TTLL11: variants seen among roughly 807,000 people sequenced by gnomAD.
The protein encoded by TTLL11 is tubulin tyrosine ligase like 11, also known as tubulin polyglutamylase TTLL11.
In TTLL11, 42 loss-of-function variants were observed where a neutral mutation model predicts 51.7. The observed-to-expected ratio is 0.81, with a 90% confidence interval of 0.64 to 1.05. The LOEUF (loss-of-function observed/expected upper bound fraction) is 1.05. Ranked by LOEUF, TTLL11 falls within the 50% of genes least tolerant of loss-of-function variation. TTLL11 has a pLI of 0.00. For synonymous variants in TTLL11, 381 were observed against 383.5 expected, an observed-to-expected ratio of 0.99 and a Z score of 0.08; for missense variants, 799 against 940.4, an observed-to-expected ratio of 0.85 and a Z score of 1.97.
intron 4 of TTLL11, among the ~76,000 whole-genome samples, chr9:121,978,748 G>A (rs1384347106): frequency 6.6e-6 from 1 of 152,094 alleles, no homozygotes; most frequent in Admixed American, 6.6e-5. Context: ...AGATTCCTGA[G>A]CCATTAATTA....
At chr9:122,023,533 T>A (rs954789928) in intron 3 of TTLL11, among the ~76,000 whole-genome samples, 6 of 151,924 alleles carry the variant, frequency 3.9e-5, no homozygotes, top group Admixed American at 2.6e-4. Context: ...TGAATATAGA[T>A]GCAAATAAAG....
intron 8 of TTLL11, among the ~76,000 whole-genome samples, chr9:121,854,204 A>T (rs2131372163): frequency 6.6e-6 from 1 of 152,226 alleles, no homozygotes; most frequent in East Asian, 1.9e-4. Flanking sequence ...GGTATATAGC[A>T]AGTCAACCCA....
chr9:122,092,736 G>A lies in TTLL11; in HGVS notation c.413C>T (p.Thr138Ile). Residue 138 changes from threonine to isoleucine, a missense_variant, in exon 1 of 9, where the codon ACC (threonine) becomes ATC (isoleucine). Physicochemically the swap from Thr to Ile is moderately conservative, Grantham distance 89. This residue lies in a region of TTLL11 where 468 missense variants were observed against 612.8 expected (regional missense o/e 0.76). Coordinates refer to ENST00000321582, the MANE Select transcript of TTLL11 (RefSeq NM_001139442.2). ...PVTVDSSKAR[T>I]SLDALKISIR... is the part of the protein sequence containing the mutation. Reference sequence around the variant, plus strand: ...GCTGATCTTCAGGGCATCCAGGGAGGTCCTGGCCTTGGAGCTGTCCACGGT... The same window carrying A: ...GCTGATCTTCAGGGCATCCAGGGAGATCCTGGCCTTGGAGCTGTCCACGGT... The A allele has an allele frequency of 1.3e-6, 2 of 1,538,044 alleles. No individual in the cohort carries two copies. The highest frequency in any genetic ancestry group is 1.7e-6 in the Non-Finnish European group (2 of 1,147,424).
chr9:121,988,901 A>G (rs1464024449), intron 4 of TTLL11: 2 of 560,158 alleles, frequency 3.6e-6, no homozygotes, highest in African/African-American at 3.7e-5. Context: ...AATGAATGTA[A>G]AACTCTGCTT....
intron 6 of TTLL11, among the ~76,000 whole-genome samples, chr9:121,925,094 TCTC>T (rs1479520807): frequency 6.6e-6 from 1 of 152,178 alleles, no homozygotes; most frequent in Admixed American, 6.5e-5. Flanking sequence ...AGGCTTCACT[TCTC>T]CTCTGAAAGG....
chr9:121,996,402 C>T (rs1843265505), intron 3 of TTLL11, among the ~76,000 whole-genome samples: 1 of 152,188 alleles, frequency 6.6e-6, no homozygotes, highest in Admixed American at 6.5e-5. Flanking sequence ...ATTGAGCTTC[C>T]CCATATCTTC....
intron 6 of TTLL11, among the ~76,000 whole-genome samples, chr9:121,914,827 T>C (rs1346426555): frequency 2.0e-5 from 3 of 152,140 alleles, no homozygotes; most frequent in Non-Finnish European, 4.4e-5. Flanking sequence ...CCCTAGGCTA[T>C]CTGGGAATGG....
rs561881183 is a variant in TTLL11 at position 122,024,688 on chromosome 9, T to C, written c.693+7035A>G. ...GCAATTTGGAAGAGAAAGATTAGTGTTCTGATCAAATGTTTCTGGAACAAC... is the reference window on the plus strand; with the variant it reads ...GCAATTTGGAAGAGAAAGATTAGTGCTCTGATCAAATGTTTCTGGAACAAC... On this transcript the variant is annotated intron_variant, in intron 3 of 8. Transcript: ENST00000321582. Among the ~76,000 whole-genome samples, 3 of 152,318 alleles carry C rather than the reference T, an allele frequency of 2.0e-5. No homozygotes were observed. The East Asian group carries it at 5.8e-4, about 29-fold the overall frequency.
rs768392553 is a variant in TTLL11, at chr9:121,995,732, T to C, written c.694-5962A>G. 5.9e-5 allele frequency among the ~76,000 whole-genome samples: 9 copies of C among 152,184 alleles called. No individual in the cohort carries two copies. Among genetic ancestry groups the C allele is most frequent in the Non-Finnish European group, 1.0e-4 (7 of 68,036 alleles). ...TATCCCGCAAGCCCTCTACTGTTCA[T>C]CGGAACCAGGCCAGGTTGTCCGATA... On this transcript the variant is annotated intron_variant, in intron 3 of 8. Transcript: ENST00000321582. This position sits in a 1 kb window ranked among gnomAD's most constrained non-coding sequence, Gnocchi z 4.4.
chr9:122,085,601 A>T (rs1223842740), intron 1 of TTLL11, among the ~76,000 whole-genome samples: 1 of 152,188 alleles, frequency 6.6e-6, no homozygotes, highest in East Asian at 1.9e-4. Context: ...AATAACATAC[A>T]TATATGGACT....
chr9:122,001,101 GT>G (rs1206432941), intron 3 of TTLL11, among the ~76,000 whole-genome samples: 3 of 151,832 alleles, frequency 2.0e-5, no homozygotes, highest in Admixed American at 6.6e-5. Context: ...CTGTTTTTTG[GT>G]TTTTGTTTTC....
chr9:122,052,911 T>C lies in TTLL11; in HGVS notation c.463-13543A>G, dbSNP rs1479670408. On this transcript the variant is annotated intron_variant, in intron 1 of 8. Transcript: ENST00000321582. ...AGCAGAGCCTCCCTCACAGGGGATG[T>C]TGTAAAGGTGAAAACAACCGCATAG... 1.1e-4 allele frequency among the ~76,000 whole-genome samples: 16 copies of C among 152,266 alleles called. No homozygotes were observed. The East Asian group carries it at 2.3e-3, about 22-fold the overall frequency.
At chr9:121,904,858 C>T (rs892922994) in intron 6 of TTLL11, among the ~76,000 whole-genome samples, 2 of 152,170 alleles carry the variant, frequency 1.3e-5, no homozygotes, top group Non-Finnish European at 2.9e-5. Flanking sequence ...TGGGTCCAGC[C>T]GTGAATAACC....
chr9:122,009,313 A>T (rs1203676809), intron 3 of TTLL11, among the ~76,000 whole-genome samples: 2 of 152,114 alleles, frequency 1.3e-5, no homozygotes, highest in Non-Finnish European at 2.9e-5. Context: ...TACATTTTTT[A>T]TTTGCCAATT....
intron 6 of TTLL11, among the ~76,000 whole-genome samples, chr9:121,877,701 T>TA (rs572964971): frequency 3.3e-5 from 5 of 152,176 alleles, no homozygotes; most frequent in Admixed American, 2.6e-4. Flanking sequence ...AACTGCAATT[T>TA]AAAAAAATTT....
At chr9:122,012,008 G>C (rs761540325) in intron 3 of TTLL11, among the ~76,000 whole-genome samples, 2 of 152,126 alleles carry the variant, frequency 1.3e-5, no homozygotes, top group African/African-American at 2.4e-5. Context: ...CAGAAAATTT[G>C]ATTACATCAC....
At chr9:121,957,180 G>T (rs1842046309) in intron 6 of TTLL11, among the ~76,000 whole-genome samples, 1 of 150,668 alleles carries the variant, frequency 6.6e-6, no homozygotes, top group South Asian at 2.1e-4. Context: ...ATAGTCTCAG[G>T]TCTTCCTCAA....
chr9:121,865,087 G>A lies in TTLL11; in HGVS notation c.1734-4644C>T, dbSNP rs562107589. ...CAGTTTAAAATGTATGACTTCGAAA[G>A]GCCATTGACATCCAAGGCATGCAAT... On this transcript the variant is annotated intron_variant, in intron 7 of 8. Transcript: ENST00000321582. 2.0e-4 allele frequency among the ~76,000 whole-genome samples: 31 copies of A among 152,258 alleles called. No homozygotes were observed. The South Asian group carries it at 6.4e-3, about 32-fold the overall frequency.
chr9:121,992,188 G>A (rs1183626206), intron 3 of TTLL11, among the ~76,000 whole-genome samples: 5 of 152,062 alleles, frequency 3.3e-5, no homozygotes, highest in Admixed American at 6.6e-5. Flanking sequence ...TTGTTAAAGC[G>A]CAGGTGTGAT....
Sources: gnomAD v4.1 joint callset for allele counts (sites outside exome capture counted in the v4.1 genomes callset) on GRCh38, gnomAD v4.1.1 for gene constraint, gnomAD v4.1.1 regional missense constraint, Gnocchi (gnomAD v3.1) non-coding constraint, MANE v1.5 for transcripts, NCBI Gene and HGNC (gene_info 2026-07-23, HGNC 2026-07-21) for gene names.